Variants in COL4A3 observed in about 807,000 individuals in gnomAD.
COL4A3 encodes the protein collagen type IV alpha 3 chain, also known as collagen alpha-3(IV) chain.
Under a neutral mutation model 217.4 loss-of-function variants are expected in COL4A3, and 135 were observed. The ratio of observed to expected loss-of-function variants is 0.62; its 90% confidence interval spans 0.54 to 0.72. The LOEUF is 0.72. COL4A3 is among the 30% of genes least tolerant of loss of function. The probability of loss-of-function intolerance (pLI) is 0.00; values close to 1 mark genes in which losing one functional copy is unlikely to be tolerated. For missense variants in COL4A3, 1,868 were observed against 2,119.9 expected, an observed-to-expected ratio of 0.88 and a Z score of 2.33; for synonymous variants, 690 against 736.3, an observed-to-expected ratio of 0.94 and a Z score of 1.02.
chr2:227,221,659 G>T (rs2067792472), intron 1 of COL4A3, among the ~76,000 whole-genome samples: 1 of 151,602 alleles, frequency 6.6e-6, no homozygotes, highest in African/African-American at 2.4e-5. Context: ...TTTCTTTCCT[G>T]CATTAATTTT....
At chr2:227,231,739 C>G (rs1316107813) in intron 1 of COL4A3, among the ~76,000 whole-genome samples, 1 of 152,126 alleles carries the variant, frequency 6.6e-6, no homozygotes, top group Admixed American at 6.5e-5. Flanking sequence ...TCCATGTTAC[C>G]CAGGCTGGTC....
rs117501211 is a variant in COL4A3 at position 227,305,155 on chromosome 2, T to C, written c.4252+72T>C. On this transcript the variant is annotated intron_variant, in intron 47 of 51. Transcript: ENST00000396578. ...TACAGAGAAGTCTTGTTCGAGTGGG[T>C]GACTATATGAGTTATCTAGGCCTTT... is the stretch of plus-strand genomic sequence containing the variant. 1,447 of 1,317,514 alleles carry C rather than the reference T, an allele frequency of 1.1e-3. 48 individuals are homozygous for C. In the East Asian group the frequency reaches 0.029, roughly 27 times the overall value. 81.6% of individuals were successfully genotyped at this position (1,317,514 alleles called of 1,614,324 possible).
At position 227,255,987 on chromosome 2, in the gene COL4A3, T is replaced by C. The variant is rs28470865; in HGVS notation, c.889-39T>C. 71,346 of 1,600,902 alleles carry C rather than the reference T, an allele frequency of 0.045. 4,216 individuals carry two copies. The highest frequency in any genetic ancestry group is 0.29 in the African/African-American group (21,505 of 74,696). The stretch of plus-strand genomic sequence containing the variant: ...TTCCGTATTTGTAAAGTTAGCCATA[T>C]TTATTACATTTCATGTTTTTGATTT... On this transcript the variant is annotated intron_variant, in intron 15 of 51. Coordinates refer to ENST00000396578, the MANE Select transcript of COL4A3 (RefSeq NM_000091.5).
At chr2:227,202,450 A>T (rs919589365) in intron 1 of COL4A3, among the ~76,000 whole-genome samples, 1 of 152,062 alleles carries the variant, frequency 6.6e-6, no homozygotes, top group Admixed American at 6.6e-5. Flanking sequence ...TTTTTTTAAA[A>T]TATATTAATA....
intron 1 of COL4A3, among the ~76,000 whole-genome samples, chr2:227,231,588 T>G (rs1304917636): frequency 6.6e-6 from 1 of 152,160 alleles, no homozygotes; most frequent in Non-Finnish European, 1.5e-5. Flanking sequence ...TGGCATGATC[T>G]TGGCTCATTG....
chr2:227,246,812 T>C lies in COL4A3; in HGVS notation c.441+74T>C, dbSNP rs1486888738. ...CAGTGGTCTACTCCATATGGCCATA[T>C]ACACAAATCCGTCATGACTTTAGGG... On this transcript the variant is annotated intron_variant, in intron 7 of 51. Coordinates refer to ENST00000396578, the MANE Select transcript of COL4A3 (RefSeq NM_000091.5). The C allele has an allele frequency of 1.9e-5, 24 of 1,237,068 alleles. No homozygotes were observed. The Admixed American group carries it at 3.9e-4, about 20-fold the overall frequency. 76.6% of individuals were successfully genotyped at this position (1,237,068 alleles called of 1,614,324 possible).
intron 18 of COL4A3, among the ~76,000 whole-genome samples, chr2:227,258,284 G>T (rs1049717434): frequency 1.3e-5 from 2 of 152,162 alleles, no homozygotes; most frequent in Admixed American, 6.6e-5. Flanking sequence ...TAAACAAAAC[G>T]GCACATGGTG....
At chr2:227,310,346 G>A (rs1178907048) in intron 50 of COL4A3, among the ~76,000 whole-genome samples, 1 of 152,124 alleles carries the variant, frequency 6.6e-6, no homozygotes, top group East Asian at 1.9e-4. Flanking sequence ...TTGGCTCACT[G>A]CAATCTCCAC....
Position 227,279,773 on chromosome 2 carries a change from T to G in COL4A3, c.2126-20T>G, listed in dbSNP as rs760952058. 4 of 1,517,222 alleles carry G rather than the reference T, an allele frequency of 2.6e-6. No homozygotes were observed. The highest frequency in any genetic ancestry group is 3.6e-6 in the Non-Finnish European group (4 of 1,100,402). The allele number at this position is 1,517,222 out of a possible 1,614,324, so 94.0% of individuals were successfully genotyped here. A position where few individuals can be genotyped will look rare whatever the true frequency, so the allele number is the denominator to read the frequency against. ...AATAAGACTAATCCTACAACAATGT[T>G]TATTGTTTTTTCTCTGTAGGAGACC... On this transcript the variant is annotated intron_variant, in intron 28 of 51. Coordinates refer to ENST00000396578, the MANE Select transcript of COL4A3 (RefSeq NM_000091.5).
At chr2:227,309,697 G>A (rs2073665967) in intron 50 of COL4A3, among the ~76,000 whole-genome samples, 1 of 152,010 alleles carries the variant, frequency 6.6e-6, no homozygotes, top group Non-Finnish European at 1.5e-5. Flanking sequence ...CGCCTCCCAG[G>A]TTCAAGTGAT....
chr2:227,234,847 C>G (rs1414458578), intron 1 of COL4A3, among the ~76,000 whole-genome samples: 3 of 152,236 alleles, frequency 2.0e-5, no homozygotes, highest in African/African-American at 7.2e-5. Flanking sequence ...GGCCCCCACA[C>G]CTTCTCACAG....
intron 1 of COL4A3, among the ~76,000 whole-genome samples, chr2:227,220,746 G>A (rs144468036): frequency 1.9e-4 from 29 of 152,278 alleles, no homozygotes; most frequent in African/African-American, 6.5e-4. Flanking sequence ...TTACAGGCAT[G>A]AGCCACCATG....
At chr2:227,279,235 T>G (rs1026941225) in intron 28 of COL4A3, among the ~76,000 whole-genome samples, 25 of 150,968 alleles carry the variant, frequency 1.7e-4, no homozygotes, top group African/African-American at 5.8e-4. Context: ...TGTGCCACCA[T>G]GCCTGGCTAG....
chr2:227,305,661 T>C, intron 47 of COL4A3: 1 of 40,620 alleles, frequency 2.5e-5, no homozygotes, highest in African/African-American at 6.8e-5. Flanking sequence ...AGACTCTGTC[T>C]CAAAAAAAAA....
At chr2:227,244,658 A>G (rs1009873709) in intron 4 of COL4A3, among the ~76,000 whole-genome samples, 16 of 152,224 alleles carry the variant, frequency 1.1e-4, no homozygotes, top group African/African-American at 7.2e-5. Context: ...AAGCTGTTCA[A>G]TTAAGCTGTT....
chr2:227,285,365 A>G (rs1306923430), intron 34 of COL4A3, among the ~76,000 whole-genome samples: 4 of 151,584 alleles, frequency 2.6e-5, no homozygotes, highest in Non-Finnish European at 5.9e-5. Flanking sequence ...TTAGGAAGTA[A>G]AGGCCTTCTA....
Position 227,254,706 on chromosome 2 carries a change from T to C in COL4A3, c.879T>C (p.Pro293=), listed in dbSNP as rs2070038724. The change falls in exon 15 of 52, where the codon CCT becomes CCC. Residue 293 remains proline, a synonymous_variant. Transcript: ENST00000396578. ...YGSEKGAPGD[P]GLQGKPGKDG... is the part of the protein sequence containing the mutation. ...CTGAAAAGGGTGCTCCTGGAGACCC[T>C]GGCCTGCAGGTAAATTTGGAAATTC... 4 of 1,612,860 alleles carry C rather than the reference T, an allele frequency of 2.5e-6. No homozygotes were observed. In the East Asian group the frequency reaches 6.7e-5, roughly 27 times the overall value.
rs771670523 is a variant in COL4A3, at chr2:227,266,438, G to T, written c.1337G>T (p.Gly446Val). The T allele has an allele frequency of 1.2e-6, 2 of 1,613,914 alleles. No individual in the cohort carries two copies. Among genetic ancestry groups the T allele is most frequent in the African/African-American group, 2.7e-5 (2 of 74,920 alleles). ...GPPGDIVFRK[G>V]PPGDHGLPGY... ...ATAGGTGACATCGTTTTTCGCAAGG[G>T]TCCACCTGGAGATCACGGACTGCCA... Residue 446 changes from glycine to valine, a missense_variant, in exon 22 of 52, where the codon GGT (glycine) becomes GTT (valine). This residue lies in a region of COL4A3 where 1,503 missense variants were observed against 1,786.1 expected (regional missense o/e 0.84). Coordinates refer to ENST00000396578, the MANE Select transcript of COL4A3 (RefSeq NM_000091.5).
chr2:227,272,968 G>A lies in COL4A3; in HGVS notation c.1778G>A (p.Gly593Glu). ...TCACAGGCTCTGAGTGGTGAGAAAG[G>A]GGACCAAGGTCCTCCAGGGGATCCT... ...KGELALSGEK[G>E]DQGPPGDPGS... Residue 593 changes from glycine (G) to glutamate (E), a missense_variant, in exon 26 of 52, where the codon GGG becomes GAG. Coordinates refer to ENST00000396578, the MANE Select transcript of COL4A3 (RefSeq NM_000091.5). The A allele has an allele frequency of 6.2e-7, 1 of 1,614,084 alleles. No individual in the cohort carries two copies. Among genetic ancestry groups the A allele is most frequent in the South Asian group, 1.1e-5 (1 of 91,082 alleles).
Sources: allele counts gnomAD v4.1 joint callset (sites outside exome capture counted in the v4.1 genomes callset), GRCh38; gene constraint gnomAD v4.1.1; regional missense constraint gnomAD v4.1.1; transcripts MANE v1.5; gene names NCBI Gene and HGNC (gene_info 2026-07-23, HGNC 2026-07-21).